LTN1: variants seen among roughly 807,000 people sequenced by gnomAD.
LTN1 encodes E3 ubiquitin-protein ligase listerin.
LTN1 carries 88 observed loss-of-function variants against 201.2 expected under a neutral mutation model. That is an observed-to-expected ratio of 0.44 (90% CI 0.37 to 0.52). LTN1 has a LOEUF of 0.52. Ranked by LOEUF, LTN1 falls within the 20% of genes least tolerant of loss-of-function variation. The pLI, the probability that LTN1 is intolerant of heterozygous loss-of-function variation, is 0.00. For synonymous variants in LTN1, 645 were observed against 713.5 expected, an observed-to-expected ratio of 0.90 and a Z score of 1.53; for missense variants, 1,752 against 2,038.7, an observed-to-expected ratio of 0.86 and a Z score of 2.71.
chr21:28,986,194 T>A lies in LTN1; in HGVS notation c.290A>T (p.Glu97Val), dbSNP rs1157737175. The part of the protein sequence containing the change: ...FGTMCTERDT[E>V]TVKGVLPYWP... ...ATATGGAAGAACTCCTTTCACAGTT[T>A]CTGTGTCTCTCTCTGTACACATGGT... The change falls in exon 3 of 30, where the codon GAA (glutamate) becomes GTA (valine). Residue 97 changes from glutamate (E) to valine (V), a missense_variant. Glu to Val is a moderately radical substitution (Grantham distance 121). Transcript: ENST00000361371. This position sits in a 1 kb window ranked among gnomAD's most constrained non-coding sequence, Gnocchi z 4.1. 6.2e-7 allele frequency: 1 copy of A among 1,613,506 alleles called. No individual in the cohort carries two copies.
chr21:28,938,531 T>A (rs897043865), intron 25 of LTN1, among the ~76,000 whole-genome samples: 2 of 152,166 alleles, frequency 1.3e-5, no homozygotes, highest in African/African-American at 4.8e-5. Flanking sequence ...CAATGGACTT[T>A]TAAAAACACA....
intron 16 of LTN1, 23 bp from the exon 17 acceptor site, chr21:28,953,399 A>G (rs767823610): frequency 1.9e-6 from 3 of 1,554,824 alleles, no homozygotes; most frequent in Non-Finnish European, 2.6e-6. Flanking sequence ...ACAGCACCAA[A>G]TTATGAAAAG....
intron 8 of LTN1, 30 bp from the exon 9 acceptor site, chr21:28,969,631 T>C (rs2084557080): frequency 1.3e-6 from 2 of 1,525,528 alleles, no homozygotes; most frequent in Non-Finnish European, 8.8e-7. Context: ...TGGATTACTC[T>C]TTCATGAAGA....
chr21:28,966,878 T>C lies in LTN1; in HGVS notation c.1613A>G (p.Lys538Arg). The change falls in exon 10 of 30, where the codon AAG (lysine) becomes AGG (arginine). Residue 538 changes from lysine (K) to arginine (R), a missense_variant. Physicochemically the swap from Lys to Arg is conservative, Grantham distance 26. Transcript: ENST00000361371. ...AAGTATCTCATCAGCAAATCTAACC[T>C]TACCATTTTTTTTTTTACTTGACTT... is the stretch of plus-strand genomic sequence containing the variant. ...SLKSSKKKNGKVRFADEILES... is the reference protein window; with the variant it reads ...SLKSSKKKNGRVRFADEILES... 1 of 1,612,400 alleles carries C rather than the reference T, an allele frequency of 6.2e-7. No individual in the cohort carries two copies. Among genetic ancestry groups the C allele is most frequent in the South Asian group, 1.1e-5 (1 of 90,392 alleles).
At position 28,984,813 on chromosome 21, in the gene LTN1, A is replaced by G. The variant is rs1315437548; in HGVS notation, c.455T>C (p.Leu152Pro). The change falls in exon 4 of 30, where the codon CTA becomes CCA. Residue 152 changes from leucine to proline, a missense_variant. Physicochemically the swap from Leu to Pro is moderately conservative, Grantham distance 98. Coordinates refer to ENST00000361371, the MANE Select transcript of LTN1 (RefSeq NM_015565.3). ...PYLKSLMGYW[L>P]MAQCDTYTPA... ...TGTGTAAGTATCACACTGAGCCATTAGCCAATATCCCATTAAACTTTTTAA... is the reference window on the plus strand; with the variant it reads ...TGTGTAAGTATCACACTGAGCCATTGGCCAATATCCCATTAAACTTTTTAA... 6.2e-7 allele frequency: 1 copy of G among 1,614,126 alleles called. No individual in the cohort carries two copies. The highest frequency in any genetic ancestry group is 8.5e-7 in the Non-Finnish European group (1 of 1,179,960).
chr21:28,965,486 G>C (rs1431642088), intron 11 of LTN1, among the ~76,000 whole-genome samples: 1 of 152,052 alleles, frequency 6.6e-6, no homozygotes, highest in Admixed American at 6.6e-5. Context: ...ATTTTCTCAT[G>C]TGTTCTACCC....
intron 1 of LTN1, among the ~76,000 whole-genome samples, chr21:28,991,301 A>T: frequency 6.6e-6 from 1 of 152,146 alleles, no homozygotes; most frequent in Admixed American, 6.6e-5. Context: ...AAAAAAAAAA[A>T]AAAGAAAAAA....
rs1326598781 is a variant in LTN1 at position 28,929,478 on chromosome 21, AC to A, written c.*969del. ...AACTTTCATTTCTGAAGGCTGAAAA[AC>A]ATTTGCTCCCCCAAGTCTCTTATTT... is the stretch of plus-strand genomic sequence containing the variant. On this transcript the variant is annotated 3_prime_UTR_variant, in exon 30 of 30. Coordinates refer to ENST00000361371, the MANE Select transcript of LTN1 (RefSeq NM_015565.3). 1 of 152,270 alleles carries A rather than the reference AC, an allele frequency of 6.6e-6. No homozygotes were observed. Among genetic ancestry groups the A allele is most frequent in the African/African-American group, 2.4e-5 (1 of 41,422 alleles). 9.4% of individuals were successfully genotyped at this position (152,270 alleles called of 1,614,324 possible). A position where few individuals can be genotyped will look rare whatever the true frequency, so the allele number is the denominator to read the frequency against.
At position 28,938,725 on chromosome 21, in the gene LTN1, T is replaced by C. The variant is rs9680131; in HGVS notation, c.4483-2028A>G. 7.5e-3 allele frequency among the ~76,000 whole-genome samples: 1,137 copies of C among 152,254 alleles called. 18 individuals carry two copies. The highest frequency in any genetic ancestry group is 0.026 in the African/African-American group (1,092 of 41,566). On this transcript the variant is annotated intron_variant, in intron 25 of 29. Coordinates refer to ENST00000361371, the MANE Select transcript of LTN1 (RefSeq NM_015565.3). ...AACAAAATGTGATAGATCTACAAAA[T>C]GGAGTATTATTCAGCCACAAAAATA...
intron 6 of LTN1, among the ~76,000 whole-genome samples, chr21:28,974,374 G>T (rs73901132): frequency 1.3e-5 from 2 of 152,310 alleles, no homozygotes; most frequent in East Asian, 3.9e-4. Context: ...ATGGATGAGT[G>T]AGAGCCCAAT....
intron 12 of LTN1, 63 bp from the exon 13 acceptor site, chr21:28,959,760 T>G: frequency 7.6e-7 from 1 of 1,307,600 alleles, no homozygotes. Context: ...TTTAAATATC[T>G]TACTTTGGAT....
chr21:28,960,478 C>T, intron 12 of LTN1, 39 bp downstream of exon 12: 5 of 1,487,058 alleles, frequency 3.4e-6, no homozygotes, highest in Non-Finnish European at 4.6e-6. Context: ...GAGAAATGGA[C>T]TATTCCCCAT....
chr21:28,981,762 C>T (rs1463727537), intron 5 of LTN1, among the ~76,000 whole-genome samples: 3 of 152,190 alleles, frequency 2.0e-5, no homozygotes, highest in African/African-American at 7.2e-5. Context: ...AAGAAGGAAA[C>T]ATATAAAAAC....
chr21:28,938,382 G>A (rs938771108), intron 25 of LTN1, among the ~76,000 whole-genome samples: 13 of 152,302 alleles, frequency 8.5e-5, no homozygotes, highest in Middle Eastern at 3.4e-3. Flanking sequence ...ATGTGCAAAT[G>A]TAGCAATATG....
At position 28,945,962 on chromosome 21, in the gene LTN1, GAT is replaced by G; in HGVS notation, c.3624-13_3624-12del. The G allele has an allele frequency of 6.3e-7, 1 of 1,594,186 alleles. No homozygotes were observed. On this transcript the variant is annotated splice_polypyrimidine_tract_variant and intron_variant, in intron 20 of 29. Transcript: ENST00000361371. ...GCTTCTGATAGATTACTGTGATAAA[GAT>G]AAAAACAAAAGACAATAAAAGATTA...
intron 19 of LTN1, among the ~76,000 whole-genome samples, chr21:28,946,608 A>C (rs1352344633): frequency 6.6e-6 from 1 of 152,232 alleles, no homozygotes; most frequent in Non-Finnish European, 1.5e-5. Context: ...CTCATCATTC[A>C]AATAAAAAAA....
chr21:28,972,680 G>A (rs2084584727), intron 6 of LTN1, among the ~76,000 whole-genome samples: 1 of 152,100 alleles, frequency 6.6e-6, no homozygotes, highest in South Asian at 2.1e-4. Context: ...ACAGACATAG[G>A]GGATAAAGTG....
intron 25 of LTN1, among the ~76,000 whole-genome samples, chr21:28,937,578 G>A (rs977107340): frequency 6.6e-6 from 1 of 152,058 alleles, no homozygotes; most frequent in Non-Finnish European, 1.5e-5. Flanking sequence ...TCAAGTCATA[G>A]GATTTGGAAT....
intron 19 of LTN1, among the ~76,000 whole-genome samples, chr21:28,946,684 T>C (rs1006626554): frequency 2.0e-5 from 3 of 152,240 alleles, no homozygotes; most frequent in Admixed American, 6.5e-5. Context: ...TCATAATTTA[T>C]ACATTCATTC....
Sources: gnomAD v4.1 joint callset for allele counts (sites outside exome capture counted in the v4.1 genomes callset) on GRCh38, gnomAD v4.1.1 for gene constraint, Gnocchi (gnomAD v3.1) non-coding constraint, MANE v1.5 for transcripts, NCBI Gene and HGNC (gene_info 2026-07-23, HGNC 2026-07-21) for gene names.